The following SLC35F1 variants were observed in gnomAD, a reference collection of about 807,000 sequenced individuals.
SLC35F1 encodes chromosome 6 open reading frame 169.
In SLC35F1, 14 loss-of-function variants were observed where a neutral mutation model predicts 48.7. That is an observed-to-expected ratio of 0.29 (90% CI 0.19 to 0.45). SLC35F1 has a LOEUF of 0.45. Among genes scored for constraint, SLC35F1 ranks in the 20% least tolerant of loss-of-function variants. The probability of loss-of-function intolerance (pLI) is 1.00; values close to 1 mark genes in which losing one functional copy is unlikely to be tolerated. For synonymous variants in SLC35F1, 190 were observed against 202.2 expected, an observed-to-expected ratio of 0.94 and a Z score of 0.51; for missense variants, 404 against 500.0, an observed-to-expected ratio of 0.81 and a Z score of 1.83.
At chr6:117,919,231 T>A (rs1775865774) in intron 1 of SLC35F1, among the ~76,000 whole-genome samples, 1 of 152,186 alleles carries the variant, frequency 6.6e-6, no homozygotes, top group Non-Finnish European at 1.5e-5. Flanking sequence ...CAAGGTTTTA[T>A]GTCTGGTCCA....
rs1463052030 is a variant in SLC35F1, at chr6:118,314,251, A to G, written c.1226A>G (p.Ter409TrpextTer8). 8 of 1,613,856 alleles carry G rather than the reference A, an allele frequency of 5.0e-6. No homozygotes were observed. Among genetic ancestry groups the G allele is most frequent in the Non-Finnish European group, 6.8e-6 (8 of 1,179,822 alleles). The change falls in exon 8 of 8, where the codon TAG (stop) becomes TGG (tryptophan). Residue 409 changes from the stop codon to tryptophan, a stop_lost. Coordinates refer to ENST00000360388, the MANE Select transcript of SLC35F1 (RefSeq NM_001029858.4). ...GAGGAGCCTCATGTTCGTGTGGCCT[A>G]GGGTGAGGCCCGCCCTGCCAACTGA... Reference protein sequence around the residue: ...TEEEPHVRVA* With the variant: ...TEEEPHVRVAW
At chr6:118,082,762 C>T (rs1772930149) in intron 1 of SLC35F1, among the ~76,000 whole-genome samples, 1 of 152,152 alleles carries the variant, frequency 6.6e-6, no homozygotes, top group Admixed American at 6.5e-5. Flanking sequence ...AAGATGGCTA[C>T]TGACAGTCCC....
At chr6:117,925,871 A>G (rs1056449785) in intron 1 of SLC35F1, among the ~76,000 whole-genome samples, 1 of 152,142 alleles carries the variant, frequency 6.6e-6, no homozygotes, top group Admixed American at 6.5e-5. Flanking sequence ...TCTGGATTAG[A>G]CAAATATATT....
intron 2 of SLC35F1, among the ~76,000 whole-genome samples, chr6:118,219,764 A>G (rs1318929478): frequency 6.6e-6 from 1 of 152,240 alleles, no homozygotes; most frequent in Non-Finnish European, 1.5e-5. Flanking sequence ...ACTTGGAACC[A>G]ACCCAAATGT....
chr6:118,112,097 T>A (rs1461368017), intron 1 of SLC35F1, among the ~76,000 whole-genome samples: 1,916 of 54,914 alleles, frequency 0.035, 52 homozygotes, highest in African/African-American at 0.11. Flanking sequence ...TTTTCTTTTC[T>A]TTTCTTTTCT....
chr6:117,985,586 A>G (rs1776837140), intron 1 of SLC35F1, among the ~76,000 whole-genome samples: 1 of 143,436 alleles, frequency 7.0e-6, no homozygotes, highest in African/African-American at 2.6e-5. Flanking sequence ...ATCTGAGGCC[A>G]TTGAATACCT....
At chr6:117,928,728 T>C (rs969938641) in intron 1 of SLC35F1, among the ~76,000 whole-genome samples, 13 of 152,090 alleles carry the variant, frequency 8.5e-5, no homozygotes, top group African/African-American at 2.9e-4. Flanking sequence ...ATTTTTTGCT[T>C]TTTGGAGAGC....
intron 1 of SLC35F1, among the ~76,000 whole-genome samples, chr6:117,911,838 A>C (rs1775768125): frequency 6.6e-6 from 1 of 152,180 alleles, no homozygotes; most frequent in African/African-American, 2.4e-5. Context: ...GCAACAGTTG[A>C]TGACCCTCTC....
At chr6:118,103,219 C>T (rs1488899489) in intron 1 of SLC35F1, among the ~76,000 whole-genome samples, 1 of 152,174 alleles carries the variant, frequency 6.6e-6, no homozygotes, top group Non-Finnish European at 1.5e-5. Flanking sequence ...TTAGTGACCT[C>T]CTGCTTCGAG....
chr6:118,281,175 A>ACTCTCTCTCTCT (rs745677823), intron 6 of SLC35F1, among the ~76,000 whole-genome samples: 2 of 137,688 alleles, frequency 1.5e-5, no homozygotes, highest in East Asian at 2.1e-4. Context: ...ATATATAGTA[A>ACTCTCTCTCTCT]CTCTCTCTCT....
intron 2 of SLC35F1, among the ~76,000 whole-genome samples, chr6:118,165,688 TGACC>T (rs1465870350): frequency 2.0e-5 from 3 of 152,192 alleles, no homozygotes; most frequent in African/African-American, 7.2e-5. Context: ...TTTGGCCTGC[TGACC>T]GAGGTACATG....
chr6:117,919,364 C>T (rs1050583318), intron 1 of SLC35F1, among the ~76,000 whole-genome samples: 4 of 152,246 alleles, frequency 2.6e-5, no homozygotes, highest in South Asian at 4.2e-4. Context: ...TTTTTCATTT[C>T]CCCTTGGATG....
chr6:118,233,509 C>G (rs1232659704), intron 2 of SLC35F1, among the ~76,000 whole-genome samples: 2 of 152,338 alleles, frequency 1.3e-5, no homozygotes, highest in East Asian at 3.9e-4. Context: ...AGCACTGGCT[C>G]TTGACATATT....
intron 1 of SLC35F1, among the ~76,000 whole-genome samples, chr6:118,051,258 T>C (rs1438930692): frequency 6.6e-6 from 1 of 152,132 alleles, no homozygotes; most frequent in Admixed American, 6.6e-5. Flanking sequence ...TGGTATTTAA[T>C]TTTCCAAAAA....
In SLC35F1 at chr6:118,316,111, G is replaced by C. The variant is rs1396826475; in HGVS notation, c.*1859G>C. ...GACTACAGTAGAAGGACTGATCCCA[G>C]AGTGCCTGTACAAGGCCTAAATCTG... On this transcript the variant is annotated 3_prime_UTR_variant, in exon 8 of 8. Transcript: ENST00000360388. The C allele has an allele frequency of 6.6e-6, 1 of 152,210 alleles. No homozygotes were observed. Among genetic ancestry groups the C allele is most frequent in the Non-Finnish European group, 1.5e-5 (1 of 68,036 alleles). 9.4% of individuals were successfully genotyped at this position (152,210 alleles called of 1,614,324 possible). A position where few individuals can be genotyped will look rare whatever the true frequency, so the allele number is the denominator to read the frequency against.
chr6:118,158,676 G>T (rs971808875), intron 2 of SLC35F1, among the ~76,000 whole-genome samples: 1 of 152,200 alleles, frequency 6.6e-6, no homozygotes, highest in East Asian at 1.9e-4. Context: ...TGACTTCAAA[G>T]TCAAACTGAA....
At chr6:118,167,799 A>G (rs776687899) in intron 2 of SLC35F1, among the ~76,000 whole-genome samples, 1 of 152,160 alleles carries the variant, frequency 6.6e-6, no homozygotes, top group Admixed American at 6.5e-5. Flanking sequence ...TAGCTATGAC[A>G]TCACTAGGCA....
intron 7 of SLC35F1, among the ~76,000 whole-genome samples, chr6:118,291,260 C>T (rs1299766152): frequency 0.018 from 2,777 of 151,440 alleles, 99 homozygotes; most frequent in African/African-American, 0.064. Flanking sequence ...CACACACACA[C>T]ACACACACAC....
At chr6:118,022,948 C>T (rs535539380) in intron 1 of SLC35F1, among the ~76,000 whole-genome samples, 5 of 151,850 alleles carry the variant, frequency 3.3e-5, no homozygotes, top group Admixed American at 3.3e-4. Flanking sequence ...TTAGTAGAGA[C>T]GGGGTTTCAC....
Sources: allele counts gnomAD v4.1 joint callset (sites outside exome capture counted in the v4.1 genomes callset), GRCh38; gene constraint gnomAD v4.1.1; transcripts MANE v1.5; gene names NCBI Gene and HGNC (gene_info 2026-07-23, HGNC 2026-07-21).